AKAP9: variants seen among roughly 807,000 people sequenced by gnomAD.
AKAP9 encodes the protein A-kinase anchor protein 9.
In AKAP9, 311 loss-of-function variants were observed where a neutral mutation model predicts 488.5. That is an observed-to-expected ratio of 0.64 (90% CI 0.58 to 0.70). AKAP9 has a LOEUF of 0.70. AKAP9 is among the 30% of genes least tolerant of loss of function. The pLI, the probability that AKAP9 is intolerant of heterozygous loss-of-function variation, is 0.00. For synonymous variants in AKAP9, 1,462 were observed against 1,483.5 expected, an observed-to-expected ratio of 0.99 and a Z score of 0.33; for missense variants, 4,215 against 4,374.5, an observed-to-expected ratio of 0.96 and a Z score of 1.03.
intron 28 of AKAP9, among the ~76,000 whole-genome samples, chr7:92,072,679 G>A (rs919836253): frequency 1.3e-5 from 2 of 152,132 alleles, no homozygotes; most frequent in South Asian, 2.1e-4. Flanking sequence ...ATAGGAGGAG[G>A]TAGAAAATGG....
intron 14 of AKAP9, among the ~76,000 whole-genome samples, chr7:92,029,249 T>C: frequency 6.6e-6 from 1 of 151,642 alleles, no homozygotes; most frequent in East Asian, 1.9e-4. Flanking sequence ...TACCAAAAGA[T>C]AAAACAAAAA....
intron 21 of AKAP9, among the ~76,000 whole-genome samples, chr7:92,047,510 C>T (rs774291426): frequency 3.8e-4 from 58 of 152,156 alleles, no homozygotes; most frequent in Middle Eastern, 3.2e-3. Flanking sequence ...TGAGCCACTG[C>T]GACTGACCAT....
chr7:91,987,074 A>C (rs935993179), intron 3 of AKAP9, among the ~76,000 whole-genome samples: 9 of 152,160 alleles, frequency 5.9e-5, no homozygotes, highest in Non-Finnish European at 7.3e-5. Context: ...TTGATGAGCT[A>C]TCTTACCGTG....
At chr7:92,060,903 A>G (rs1809645852) in intron 22 of AKAP9, among the ~76,000 whole-genome samples, 2 of 152,202 alleles carry the variant, frequency 1.3e-5, no homozygotes. Flanking sequence ...GTATAGTTAC[A>G]TAAAATTCTT....
intron 40 of AKAP9, among the ~76,000 whole-genome samples, chr7:92,095,667 C>T (rs1361595727): frequency 6.6e-6 from 1 of 152,182 alleles, no homozygotes; most frequent in Non-Finnish European, 1.5e-5. Context: ...GTGGAGTATA[C>T]ATGAAGTATC....
At chr7:92,085,736 A>C (rs755821409) in intron 36 of AKAP9, 50 bp downstream of exon 36, 2 of 1,276,832 alleles carry the variant, frequency 1.6e-6, no homozygotes, top group East Asian at 2.5e-5. Context: ...TTATTTGAAC[A>C]ATAATAATAC....
chr7:92,024,808 A>G (rs1802869210), intron 14 of AKAP9, among the ~76,000 whole-genome samples: 1 of 152,110 alleles, frequency 6.6e-6, no homozygotes, highest in Admixed American at 6.5e-5. Flanking sequence ...TTTTTTGTAT[A>G]GTGGACGAAA....
chr7:92,003,029 G>A lies in AKAP9; in HGVS notation c.3112G>A (p.Val1038Ile). The change falls in exon 8 of 50, where the codon GTA (valine) becomes ATA (isoleucine). Residue 1038 changes from valine to isoleucine, a missense_variant. Coordinates refer to ENST00000356239, the MANE Select transcript of AKAP9 (RefSeq NM_005751.5). ...SRGAEGSVSK[V>I]NKSFGEESKI... ...GGGTGCTGAAGGATCAGTTTCTAAAGTAAATAAAAGTTTTGGTGAAGAATC... is the reference window on the plus strand; with the variant it reads ...GGGTGCTGAAGGATCAGTTTCTAAAATAAATAAAAGTTTTGGTGAAGAATC... 6.2e-7 allele frequency: 1 copy of A among 1,613,352 alleles called. No homozygotes were observed. Among genetic ancestry groups the A allele is most frequent in the Non-Finnish European group, 8.5e-7 (1 of 1,179,560 alleles).
In AKAP9 at chr7:91,978,482, A is replaced by G. The variant is rs564305900; in HGVS notation, c.307-1807A>G. On this transcript the variant is annotated intron_variant, in intron 2 of 49. Transcript: ENST00000356239. ...AACTCTCTGGAGAGGGTCAACAGTG[A>G]GAATAGTACTTTTGGAGTCAGAAAA... Among the ~76,000 whole-genome samples, 8 of 152,270 alleles carry G rather than the reference A, an allele frequency of 5.3e-5. No individual in the cohort carries two copies. The South Asian group carries it at 1.5e-3, about 28-fold the overall frequency.
At chr7:92,107,213 G>A in intron 47 of AKAP9, 80 bp from the exon 48 acceptor site, 1 of 1,337,720 alleles carries the variant, frequency 7.5e-7, no homozygotes, top group Non-Finnish European at 1.1e-6. Context: ...AGTCTTTTGA[G>A]CAGTTACCTA....
chr7:91,974,128 A>G (rs1769279538), intron 2 of AKAP9, among the ~76,000 whole-genome samples, 160 bp downstream of exon 2: 1 of 152,248 alleles, frequency 6.6e-6, no homozygotes. Context: ...ATATTTGATC[A>G]TCTCAGAGAG....
intron 4 of AKAP9, 85 bp from the exon 5 acceptor site, chr7:91,992,800 C>G: frequency 7.7e-7 from 1 of 1,306,332 alleles, no homozygotes; most frequent in Non-Finnish European, 1.1e-6. Flanking sequence ...TTAAAGTGGA[C>G]CTTGCTATGG....
At chr7:91,946,760 G>A (rs865887715) in intron 1 of AKAP9, among the ~76,000 whole-genome samples, 45 of 152,190 alleles carry the variant, frequency 3.0e-4, no homozygotes, top group South Asian at 4.1e-4. Context: ...GAAACTGAAA[G>A]TTGAATGATA....
At chr7:91,993,221 C>T (rs1475488604) in intron 5 of AKAP9, among the ~76,000 whole-genome samples, 166 bp downstream of exon 5, 1 of 148,468 alleles carries the variant, frequency 6.7e-6, no homozygotes, top group Non-Finnish European at 1.5e-5. Flanking sequence ...CAGGGTCTTG[C>T]TCTGTTGCCC....
At chr7:91,981,660 AGTGCAGTG>A (rs1796428226) in intron 3 of AKAP9, among the ~76,000 whole-genome samples, 1 of 131,638 alleles carries the variant, frequency 7.6e-6, no homozygotes, top group African/African-American at 3.0e-5. Context: ...CCCAGACTGG[AGTGCAGTG>A]GTGCAGTGTT....
chr7:91,954,670 A>T (rs996330967), intron 1 of AKAP9, among the ~76,000 whole-genome samples: 2 of 152,036 alleles, frequency 1.3e-5, no homozygotes, highest in African/African-American at 4.8e-5. Flanking sequence ...GAGGCTCCCA[A>T]ATTTTGCTGC....
intron 3 of AKAP9, among the ~76,000 whole-genome samples, chr7:91,989,264 A>G (rs1441103479): frequency 6.6e-6 from 1 of 152,170 alleles, no homozygotes; most frequent in Non-Finnish European, 1.5e-5. Flanking sequence ...TAGTACACTC[A>G]TTGGGTTGGA....
At position 92,084,718 on chromosome 7, in the gene AKAP9, T is replaced by C; in HGVS notation, c.8710+15T>C. The C allele has an allele frequency of 6.2e-7, 1 of 1,609,530 alleles. No homozygotes were observed. ...ATGCTCCAGTGGTAAGTTATATAAA[T>C]ATTTGTAATGTTTGTAGTAGTTGTT... On this transcript the variant is annotated intron_variant, in intron 34 of 49. Transcript: ENST00000356239.
At chr7:92,084,413 A>G (rs903683048) in intron 33 of AKAP9, among the ~76,000 whole-genome samples, 2 of 151,952 alleles carry the variant, frequency 1.3e-5, no homozygotes, top group Non-Finnish European at 2.9e-5. Context: ...ATGTTCCTGT[A>G]TGGATTTGGA....
Sources: allele counts gnomAD v4.1 joint callset (sites outside exome capture counted in the v4.1 genomes callset), GRCh38; gene constraint gnomAD v4.1.1; transcripts MANE v1.5; gene names NCBI Gene and HGNC (gene_info 2026-07-23, HGNC 2026-07-21).